The following KANK1 variants were observed in gnomAD, a reference collection of about 807,000 sequenced individuals.
KANK1 encodes the protein KN motif and ankyrin repeat domains 1.
In KANK1, 109 loss-of-function variants were observed where a neutral mutation model predicts 106.2. The ratio of observed to expected loss-of-function variants is 1.03; its 90% CI spans 0.88 to 1.20. The LOEUF is 1.20. Among genes scored for constraint, KANK1 ranks in the 50% most tolerant of loss-of-function variants. The pLI, the probability that KANK1 is intolerant of heterozygous loss-of-function variation, is 0.00. For synonymous variants in KANK1, 873 were observed against 652.2 expected, an observed-to-expected ratio of 1.34 and a Z score of -5.16; for missense variants, 2,399 against 1,710.7, an observed-to-expected ratio of 1.40 and a Z score of -7.10.
At chr9:739,309 T>C (rs566344039) in intron 8 of KANK1, among the ~76,000 whole-genome samples, 11 of 152,218 alleles carry the variant, frequency 7.2e-5, no homozygotes, top group Non-Finnish European at 1.5e-4. Flanking sequence ...CTCAGTCTGA[T>C]TAATGAGGAT....
chr9:684,114 T>C, intron 2 of KANK1: 19 of 964,048 alleles, frequency 2.0e-5, no homozygotes, highest in Non-Finnish European at 2.3e-5. Context: ...AGAGCTTGCT[T>C]GTTTCATAAA....
intron 1 of KANK1, among the ~76,000 whole-genome samples, chr9:552,888 T>G (rs943426085): frequency 6.6e-6 from 1 of 152,232 alleles, no homozygotes; most frequent in South Asian, 2.1e-4. Flanking sequence ...CTCACGCCTG[T>G]AATCCTAGGA....
chr9:680,788 C>G (rs1437019074), intron 2 of KANK1: 4 of 152,242 alleles, frequency 2.6e-5, no homozygotes, highest in Non-Finnish European at 4.4e-5. Flanking sequence ...CTGTGTACCC[C>G]TTGCAGATTG....
intron 3 of KANK1, among the ~76,000 whole-genome samples, chr9:721,037 C>G (rs1254742619): frequency 6.6e-6 from 1 of 152,116 alleles, no homozygotes; most frequent in African/African-American, 2.4e-5. Flanking sequence ...AATAGAATCA[C>G]CTAGGGAGAA....
intron 2 of KANK1, among the ~76,000 whole-genome samples, chr9:685,327 G>A (rs1818340816): frequency 6.6e-6 from 1 of 152,112 alleles, no homozygotes; most frequent in African/African-American, 2.4e-5. Context: ...TATATATAGT[G>A]ACCAGATTTC....
At chr9:629,269 GC>G (rs1273829789) in intron 1 of KANK1, among the ~76,000 whole-genome samples, 1 of 152,000 alleles carries the variant, frequency 6.6e-6, no homozygotes, top group East Asian at 1.9e-4. Flanking sequence ...CCATGTTCTT[GC>G]TCCCCCTCCC....
intron 3 of KANK1, among the ~76,000 whole-genome samples, chr9:717,054 G>C (rs576883201): frequency 3.3e-5 from 5 of 152,176 alleles, no homozygotes; most frequent in African/African-American, 1.2e-4. Context: ...GAGAGCTGAG[G>C]CTGGCAGAGT....
chr9:490,646 G>A (rs2058362973), intron 3 of KANK1, among the ~76,000 whole-genome samples: 1 of 152,134 alleles, frequency 6.6e-6, no homozygotes, highest in Admixed American at 6.5e-5. Flanking sequence ...AGAGATGGCT[G>A]GAAAATAAAT....
chr9:734,307 C>T lies in KANK1; in HGVS notation c.3246-441C>T, dbSNP rs1400581979. 1.7e-5 allele frequency: 3 copies of T among 172,714 alleles called. No individual in the cohort carries two copies. The South Asian group carries it at 4.3e-4, about 25-fold the overall frequency. 10.7% of individuals were successfully genotyped at this position (172,714 alleles called of 1,614,324 possible). A position where few individuals can be genotyped will look rare whatever the true frequency, so the allele number is the denominator to read the frequency against. ...TAAGGATTTCTGTGCTGCCTCTGCC[C>T]AAGCACCTTGTGCCATAATGACCTG... On this transcript the variant is annotated intron_variant, in intron 6 of 11. Coordinates refer to ENST00000382297, the MANE Select transcript of KANK1 (RefSeq NM_015158.5).
intron 1 of KANK1, among the ~76,000 whole-genome samples, chr9:603,393 T>G (rs1350142366): frequency 6.6e-6 from 1 of 151,952 alleles, no homozygotes; most frequent in East Asian, 1.9e-4. Context: ...TAGCTAATCA[T>G]AGTATGATAA....
intron 2 of KANK1, among the ~76,000 whole-genome samples, chr9:702,121 C>A (rs772861334): frequency 2.7e-4 from 41 of 152,096 alleles, no homozygotes; most frequent in Admixed American, 1.1e-3. Context: ...TTAATCGATG[C>A]CGTTGCATTG....
At chr9:475,138 T>C (rs1443901928) in intron 3 of KANK1, among the ~76,000 whole-genome samples, 1 of 152,200 alleles carries the variant, frequency 6.6e-6, no homozygotes. Context: ...TCTCAGGAAT[T>C]GGGCAGGTGG....
chr9:637,294 T>A (rs1837376496), intron 1 of KANK1, among the ~76,000 whole-genome samples: 1 of 152,206 alleles, frequency 6.6e-6, no homozygotes, highest in South Asian at 2.1e-4. Context: ...TGTTGAATGT[T>A]CATTTTTTCT....
intron 1 of KANK1, among the ~76,000 whole-genome samples, chr9:555,514 A>G (rs1402484591): frequency 1.3e-5 from 2 of 152,246 alleles, no homozygotes; most frequent in Non-Finnish European, 2.9e-5. Flanking sequence ...TAGGTAAAAT[A>G]CTATAGTTTG....
intron 1 of KANK1, among the ~76,000 whole-genome samples, chr9:508,849 A>G (rs2058897688): frequency 6.6e-6 from 1 of 152,326 alleles, no homozygotes. Flanking sequence ...GACTATGAAC[A>G]TTCTAATTCT....
Position 712,500 on chromosome 9 carries a change from T to C in KANK1, c.1734T>C (p.His578=), listed in dbSNP as rs1460756146. ...WWIVKERVEM[H]DRCAGRSVEM... ...TTGTTAAGGAGAGGGTGGAAATGCA[T>C]GACCGATGTGCTGGGAGGTCTGTGG... Residue 578 remains histidine, a synonymous_variant, in exon 3 of 12, where the codon CAT becomes CAC. Coordinates refer to ENST00000382297, the MANE Select transcript of KANK1 (RefSeq NM_015158.5). 2 of 1,614,166 alleles carry C rather than the reference T, an allele frequency of 1.2e-6. 1 individual carries two copies. Among genetic ancestry groups the C allele is most frequent in the South Asian group, 2.2e-5 (2 of 91,078 alleles).
At chr9:678,715 G>T (rs943958035) in intron 2 of KANK1, among the ~76,000 whole-genome samples, 2 of 152,154 alleles carry the variant, frequency 1.3e-5, no homozygotes, top group Admixed American at 6.5e-5. Flanking sequence ...GACAGAGTGA[G>T]ACTCCATATC....
Position 677,623 on chromosome 9 carries a change from A to G in KANK1, c.37+614A>G, listed in dbSNP as rs1816664808. 2.0e-5 allele frequency: 3 copies of G among 152,258 alleles called. No homozygotes were observed. In the South Asian group the frequency reaches 6.2e-4, roughly 31 times the overall value. The allele number at this position is 152,258 out of a possible 1,614,324, so 9.4% of individuals were successfully genotyped here. On this transcript the variant is annotated intron_variant, in intron 2 of 11. Transcript: ENST00000382297. ...ACGAAATGCAGAGAAGATCCTCCTAAGAGACACATCACCATAGGGACAACC... is the reference window on the plus strand; with the variant it reads ...ACGAAATGCAGAGAAGATCCTCCTAGGAGACACATCACCATAGGGACAACC...
chr9:689,869 C>T (rs1168658461), intron 2 of KANK1, among the ~76,000 whole-genome samples: 1 of 152,082 alleles, frequency 6.6e-6, no homozygotes, highest in African/African-American at 2.4e-5. Context: ...CTTTCTAAGG[C>T]AAATACTCAT....
Sources: gnomAD v4.1 joint callset for allele counts (sites outside exome capture counted in the v4.1 genomes callset) on GRCh38, gnomAD v4.1.1 for gene constraint, MANE v1.5 for transcripts, NCBI Gene and HGNC (gene_info 2026-07-23, HGNC 2026-07-21) for gene names.